The following OR1F1 variants were observed in gnomAD, a reference collection of about 807,000 sequenced individuals.
The protein encoded by OR1F1 is olfactory receptor 1F1.
For missense variants in OR1F1, 493 were observed against 376.3 expected, an observed-to-expected ratio of 1.31 and a Z score of -2.57; for synonymous variants, 184 against 156.7, an observed-to-expected ratio of 1.17 and a Z score of -1.30.
the OR1F1 span, among the ~76,000 whole-genome samples, chr16:3,197,748 G>GGAGAGGGAGAAGGAGAGA: frequency 9.8e-6 from 1 of 101,906 alleles, no homozygotes; most frequent in Non-Finnish European, 2.0e-5. Context: ...AGAAGGAGAG[G>GGAGAGGGAGAAGGAGAGA]GAGAGGGAGA....
chr16:3,204,921 C>T, exon 1 of OR1F1: 1 of 1,614,188 alleles, frequency 6.2e-7, no homozygotes, highest in Non-Finnish European at 8.5e-7. Flanking sequence ...CCTGCACTGT[C>T]CTGAAGGTCC....
chr16:3,196,958 C>A, the OR1F1 span, among the ~76,000 whole-genome samples: 1 of 152,078 alleles, frequency 6.6e-6, no homozygotes, highest in Non-Finnish European at 1.5e-5. Context: ...CTTCCTGCAA[C>A]CTCCGCCTGC....
upstream of OR1F1, among the ~76,000 whole-genome samples, chr16:3,199,445 C>T (rs1454163493): frequency 2.6e-5 from 4 of 151,902 alleles, no homozygotes; most frequent in Non-Finnish European, 5.9e-5. Context: ...GAGTTCAAGA[C>T]CAGTCGAGAC....
the OR1F1 span, among the ~76,000 whole-genome samples, chr16:3,190,297 G>A: frequency 0.25 from 38,771 of 152,116 alleles, 5,126 homozygotes; most frequent in East Asian, 0.31. Flanking sequence ...CTGGAACCCG[G>A]GTACCCCGTC....
exon 1 of OR1F1, chr16:3,205,019 T>C: frequency 6.2e-7 from 1 of 1,614,130 alleles, no homozygotes; most frequent in Non-Finnish European, 8.5e-7. Flanking sequence ...ATCATTGCTG[T>C]GTATTTTAAC....
At chr16:3,193,898 CA>C in the OR1F1 span, among the ~76,000 whole-genome samples, 31 of 152,162 alleles carry the variant, frequency 2.0e-4, no homozygotes, top group African/African-American at 7.5e-4. Context: ...TTAATATTCT[CA>C]GTAGGGCACG....
downstream of OR1F1, among the ~76,000 whole-genome samples, chr16:3,205,534 C>G (rs967549511): frequency 1.3e-5 from 2 of 150,894 alleles, no homozygotes; most frequent in African/African-American, 4.9e-5. Context: ...AGGCTGGATG[C>G]TGTTGCGGGA....
chr16:3,193,293 G>C, the OR1F1 span, among the ~76,000 whole-genome samples: 1 of 152,212 alleles, frequency 6.6e-6, no homozygotes, highest in Non-Finnish European at 1.5e-5. Flanking sequence ...CAGTGGGGCT[G>C]TCAAGGGCCT....
the OR1F1 span, among the ~76,000 whole-genome samples, chr16:3,191,980 T>G: frequency 6.6e-6 from 1 of 152,182 alleles, no homozygotes; most frequent in Non-Finnish European, 1.5e-5. Context: ...GTAAAGGGCC[T>G]GCTGCTGTGG....
upstream of OR1F1, among the ~76,000 whole-genome samples, chr16:3,201,100 T>A (rs1958130344): frequency 6.6e-6 from 1 of 152,242 alleles, no homozygotes; most frequent in African/African-American, 2.4e-5. Context: ...CTGGCTTCTT[T>A]CACTTAGCAT....
the OR1F1 span, among the ~76,000 whole-genome samples, chr16:3,199,115 C>CAAAAAAAAAAAAA: frequency 1.9e-5 from 1 of 52,576 alleles, no homozygotes; most frequent in African/African-American, 6.8e-5. Context: ...CCTGTCTCTA[C>CAAAAAAAAAAAAA]AAAAAAAAAA....
chr16:3,206,543 G>T (rs574740398), downstream of OR1F1, among the ~76,000 whole-genome samples: 8 of 152,138 alleles, frequency 5.3e-5, no homozygotes, highest in African/African-American at 1.2e-4. Context: ...ACCCCCAGAG[G>T]CCTAGCTGTA....
At chr16:3,192,201 T>C in the OR1F1 span, among the ~76,000 whole-genome samples, 91 of 152,220 alleles carry the variant, frequency 6.0e-4, no homozygotes, top group African/African-American at 2.0e-3. Flanking sequence ...GGACTACAGG[T>C]GCCCGCCACC....
chr16:3,204,505 C>G (rs147055076), exon 1 of OR1F1: 12 of 1,614,090 alleles, frequency 7.4e-6, no homozygotes, highest in Non-Finnish European at 8.5e-7. Flanking sequence ...CAATCACATA[C>G]TCGAGACTCA....
At chr16:3,188,559 G>A in the OR1F1 span, 1 of 152,130 alleles carries the variant, frequency 6.6e-6, no homozygotes, top group African/African-American at 2.4e-5. Context: ...GGAGGGGAGT[G>A]AGTGAGAGGA....
chr16:3,201,828 C>T (rs950701731), upstream of OR1F1, among the ~76,000 whole-genome samples: 1 of 152,156 alleles, frequency 6.6e-6, no homozygotes, highest in Non-Finnish European at 1.5e-5. Flanking sequence ...TGCCCCTTTC[C>T]ATGGCAATGA....
At chr16:3,188,378 G>A in the OR1F1 span, 1 of 152,464 alleles carries the variant, frequency 6.6e-6, no homozygotes, top group Non-Finnish European at 1.5e-5. Context: ...CGTGCAGCAG[G>A]AGGAGGTTAT....
At chr16:3,201,491 T>A (rs6501153), upstream of OR1F1, among the ~76,000 whole-genome samples, 1 of 152,046 alleles carries the variant, frequency 6.6e-6, no homozygotes, top group African/African-American at 2.4e-5. Flanking sequence ...CATTTTTGTC[T>A]GCTTGTTTAA....
At chr16:3,194,819 C>T in the OR1F1 span, among the ~76,000 whole-genome samples, 3 of 152,160 alleles carry the variant, frequency 2.0e-5, no homozygotes, top group Non-Finnish European at 4.4e-5. Flanking sequence ...ATTTAGGTCT[C>T]GCTATGTTGT....
Sources: allele counts gnomAD v4.1 joint callset (sites outside exome capture counted in the v4.1 genomes callset), GRCh38; gene constraint gnomAD v4.1.1; transcripts MANE v1.5; gene names NCBI Gene and HGNC (gene_info 2026-07-23, HGNC 2026-07-21).